Variants in CDH4 observed in about 807,000 individuals in gnomAD.
CDH4 encodes the protein cadherin-4.
CDH4 carries 33 observed loss-of-function variants against 86.0 expected under a neutral mutation model. That is an observed-to-expected ratio of 0.38 (90% CI 0.29 to 0.51). The LOEUF is 0.51. CDH4 is among the 20% of genes least tolerant of loss of function. The pLI is 0.86. For missense variants in CDH4, 1,114 were observed against 1,307.4 expected, an observed-to-expected ratio of 0.85 and a Z score of 2.28; for synonymous variants, 555 against 549.4, an observed-to-expected ratio of 1.01 and a Z score of -0.14.
intron 4 of CDH4, among the ~76,000 whole-genome samples, chr20:61,831,619 G>A (rs150252688): frequency 5.9e-5 from 9 of 152,312 alleles, no homozygotes; most frequent in Middle Eastern, 3.4e-3. Context: ...CTTTGATGCC[G>A]AACAAAGCAA....
At chr20:61,602,905 C>T (rs2086613926) in intron 2 of CDH4, among the ~76,000 whole-genome samples, 1 of 152,192 alleles carries the variant, frequency 6.6e-6, no homozygotes, top group Non-Finnish European at 1.5e-5. Context: ...GTCTCCAGAC[C>T]AGCGAATGGA....
chr20:61,371,447 A>G (rs573074681), intron 2 of CDH4, among the ~76,000 whole-genome samples: 23 of 152,332 alleles, frequency 1.5e-4, no homozygotes, highest in Middle Eastern at 3.4e-3. Context: ...GACGCTGCGG[A>G]CGTGTTTTCA....
intron 2 of CDH4, among the ~76,000 whole-genome samples, chr20:61,622,005 G>A (rs573348205): frequency 3.3e-5 from 5 of 152,276 alleles, no homozygotes; most frequent in South Asian, 4.1e-4. Flanking sequence ...CCCAGCAGCC[G>A]GTTGTTAATC....
rs1316822502 is a variant in CDH4, at chr20:61,623,175, G to A, written c.170-120388G>A. Among the ~76,000 whole-genome samples, 4 of 152,114 alleles carry A rather than the reference G, an allele frequency of 2.6e-5. No homozygotes were observed. Among genetic ancestry groups the A allele is most frequent in the African/African-American group, 9.7e-5 (4 of 41,420 alleles). On this transcript the variant is annotated intron_variant, in intron 2 of 15. Coordinates refer to ENST00000614565, the MANE Select transcript of CDH4 (RefSeq NM_001794.5). This position sits in a 1 kb window ranked among gnomAD's most constrained non-coding sequence, Gnocchi z 4.4. ...GTGGAGGTGGGAGTAGAAGGGCCTG[G>A]GTTCAAATCTCGACCCTGCCTATGC... is the stretch of plus-strand genomic sequence containing the variant.
intron 2 of CDH4, among the ~76,000 whole-genome samples, chr20:61,331,668 G>GCCCACCTCCTGCCCCAGA (rs1568801248): frequency 6.4e-4 from 23 of 36,192 alleles, no homozygotes; most frequent in Admixed American, 2.7e-3. Context: ...CCTGCCCCAG[G>GCCCACCTCCTGCCCCAGA]CTCACCTCCT....
intron 2 of CDH4, among the ~76,000 whole-genome samples, chr20:61,574,407 C>T (rs2086367246): frequency 6.6e-6 from 1 of 152,296 alleles, no homozygotes; most frequent in Admixed American, 6.5e-5. Flanking sequence ...TGGAGCACCT[C>T]GAGGGGAGAG....
intron 2 of CDH4, among the ~76,000 whole-genome samples, chr20:61,314,604 G>A (rs1291588163): frequency 6.6e-6 from 1 of 152,190 alleles, no homozygotes; most frequent in Non-Finnish European, 1.5e-5. Flanking sequence ...ATCTTTTTGA[G>A]ATCCTGACTT....
At chr20:61,443,126 G>A (rs2085322994) in intron 2 of CDH4, among the ~76,000 whole-genome samples, 1 of 152,222 alleles carries the variant, frequency 6.6e-6, no homozygotes, top group South Asian at 2.1e-4. Flanking sequence ...ATCTATAGTT[G>A]AGAGACACCC....
chr20:61,924,418 T>C lies in CDH4; in HGVS notation c.1713T>C (p.Arg571=). The change falls in exon 11 of 16, where the codon CGT becomes CGC. Residue 571 remains arginine, a synonymous_variant. Coordinates refer to ENST00000614565, the MANE Select transcript of CDH4 (RefSeq NM_001794.5). ...GQITTAAVLD[R]ESLYTKNNVY... ...TCACCACGGCGGCAGTGCTGGACCG[T>C]GAGTCCCTCTACACCAAAAACAACG... 6.2e-7 allele frequency: 1 copy of C among 1,613,700 alleles called. No homozygotes were observed.
In CDH4 at chr20:61,388,643, T is replaced by G. The variant is rs1056110350; in HGVS notation, c.169+133706T>G. 8.5e-5 allele frequency among the ~76,000 whole-genome samples: 13 copies of G among 152,298 alleles called. No homozygotes were observed. In the East Asian group the frequency reaches 2.5e-3, roughly 29 times the overall value. On this transcript the variant is annotated intron_variant, in intron 2 of 15. Coordinates refer to ENST00000614565, the MANE Select transcript of CDH4 (RefSeq NM_001794.5). ...CTGTCGTTAGCGTTTTTAAAACAAC[T>G]CGGGGGTACTCTGTATTGTGCTACA...
intron 2 of CDH4, among the ~76,000 whole-genome samples, chr20:61,567,063 C>T (rs1288337270): frequency 6.6e-6 from 1 of 152,296 alleles, no homozygotes; most frequent in Non-Finnish European, 1.5e-5. Flanking sequence ...CGCCCATATC[C>T]GTTAGCATGG....
intron 5 of CDH4, among the ~76,000 whole-genome samples, chr20:61,848,110 G>T (rs1982541470): frequency 6.6e-6 from 1 of 152,268 alleles, no homozygotes; most frequent in Non-Finnish European, 1.5e-5. Context: ...AGATGGTCCT[G>T]CAGCAAACCC....
At chr20:61,373,751 C>A (rs1168881550) in intron 2 of CDH4, among the ~76,000 whole-genome samples, 1 of 152,210 alleles carries the variant, frequency 6.6e-6, no homozygotes, top group Non-Finnish European at 1.5e-5. Flanking sequence ...CCTCTGGGTG[C>A]CATGCGGGTT....
In CDH4 at chr20:61,401,379, C is replaced by A. The variant is rs922334223; in HGVS notation, c.169+146442C>A. On this transcript the variant is annotated intron_variant, in intron 2 of 15. Transcript: ENST00000614565. ...TTGAACTATGCAGAAATCATCCATG[C>A]CATTTTTTTGTCAGACAAAAAGAAC... Among the ~76,000 whole-genome samples the A allele has an allele frequency of 8.4e-5, 9 of 107,748 alleles. No individual in the cohort carries two copies. The Admixed American group carries it at 8.4e-4, about 10-fold the overall frequency. The allele number at this position is 107,748 out of a possible 152,430, so 70.7% of individuals were successfully genotyped here. A position where few individuals can be genotyped will look rare whatever the true frequency, so the allele number is the denominator to read the frequency against.
chr20:61,700,612 C>T (rs1386399703), intron 2 of CDH4, among the ~76,000 whole-genome samples: 4 of 152,324 alleles, frequency 2.6e-5, no homozygotes, highest in South Asian at 4.2e-4. Context: ...TCACCCCGTA[C>T]GGCCTCACTG....
At position 61,676,479 on chromosome 20, in the gene CDH4, C is replaced by A. The variant is rs2087445743; in HGVS notation, c.170-67084C>A. ...CGGGGCTCCCTCCTCCTGGGTCTAC[C>A]CCTTTAGGAGCAGGGTGGAGGGGGA... On this transcript the variant is annotated intron_variant, in intron 2 of 15. Coordinates refer to ENST00000614565, the MANE Select transcript of CDH4 (RefSeq NM_001794.5). The surrounding 1 kb of genome is among the most constrained non-coding windows in gnomAD (Gnocchi z 4.5). 3.3e-5 allele frequency among the ~76,000 whole-genome samples: 5 copies of A among 152,036 alleles called. No homozygotes were observed. In the South Asian group the frequency reaches 1.0e-3, roughly 32 times the overall value.
At position 61,763,458 on chromosome 20, in the gene CDH4, C is replaced by T. The variant is rs12480265; in HGVS notation, c.397-9545C>T. ...GGGAGGCATTTTCACGCAATGGCTA[C>T]GGCACTGCGGAGCCGGTGCTCAGTT... On this transcript the variant is annotated intron_variant, in intron 3 of 15. Transcript: ENST00000614565. Among the ~76,000 whole-genome samples the T allele has an allele frequency of 0.02, 2,973 of 152,278 alleles. 403 individuals carry two copies. The East Asian group carries it at 0.37, about 19-fold the overall frequency.
chr20:61,484,272 C>T (rs962685780), intron 2 of CDH4, among the ~76,000 whole-genome samples: 8 of 152,156 alleles, frequency 5.3e-5, no homozygotes, highest in African/African-American at 1.4e-4. Flanking sequence ...TATTCTTTTG[C>T]GCTTTCATCT....
At chr20:61,706,218 G>A (rs2087828083) in intron 2 of CDH4, among the ~76,000 whole-genome samples, 1 of 152,128 alleles carries the variant, frequency 6.6e-6, no homozygotes, top group African/African-American at 2.4e-5. Flanking sequence ...TGAGGCCCAG[G>A]ACCCTGTCTC....
Sources: allele counts gnomAD v4.1 joint callset (sites outside exome capture counted in the v4.1 genomes callset), GRCh38; gene constraint gnomAD v4.1.1; non-coding constraint Gnocchi (gnomAD v3.1); transcripts MANE v1.5; gene names NCBI Gene and HGNC (gene_info 2026-07-23, HGNC 2026-07-21).